The following TRAPPC9 variants were observed in gnomAD, a reference collection of about 807,000 sequenced individuals.
TRAPPC9 encodes the protein trafficking protein particle complex subunit 9.
In TRAPPC9, 83 loss-of-function variants were observed where a neutral mutation model predicts 124.0. The observed-to-expected ratio is 0.67, with a 90% CI of 0.56 to 0.80. TRAPPC9 has a LOEUF of 0.80. Among genes scored for constraint, TRAPPC9 ranks in the 30% least tolerant of loss-of-function variants. The pLI is 0.00. For missense variants in TRAPPC9, 1,302 were observed against 1,508.3 expected (o/e 0.86, Z 2.27); for synonymous variants, 638 against 617.5 (o/e 1.03, Z -0.49).
chr8:139,981,905 G>A lies in TRAPPC9; in HGVS notation c.2810+6821C>T, dbSNP rs1446421340. On this transcript the variant is annotated intron_variant, in intron 19 of 22. Coordinates refer to ENST00000438773, the MANE Select transcript of TRAPPC9 (RefSeq NM_001160372.4). Reference sequence around the variant, plus strand: ...CCGGCGGTCCATCTCCCCAGCAGCCGCAGCGTTTGGGTGCTTCGGTGCCAG... The same window carrying A: ...CCGGCGGTCCATCTCCCCAGCAGCCACAGCGTTTGGGTGCTTCGGTGCCAG... Among the ~76,000 whole-genome samples the A allele has an allele frequency of 5.3e-5, 8 of 152,214 alleles. No individual in the cohort carries two copies. In the South Asian group the frequency reaches 1.0e-3, roughly 20 times the overall value.
At chr8:140,318,061 GA>G (rs1463132060) in intron 9 of TRAPPC9, among the ~76,000 whole-genome samples, 2 of 152,138 alleles carry the variant, frequency 1.3e-5, no homozygotes, top group African/African-American at 4.8e-5. Context: ...ACTAAAGTAT[GA>G]AGGTCTGAAA....
At position 139,903,695 on chromosome 8, in the gene TRAPPC9, G is replaced by A. The variant is rs1471704694; in HGVS notation, c.2964+6452C>T. ...ACGGCACTCGGCATCGCGCAGCTGA[G>A]CTGGTAGCCATTCTGTTTGCTGTGT... On this transcript the variant is annotated intron_variant, in intron 20 of 22. Coordinates refer to ENST00000438773, the MANE Select transcript of TRAPPC9 (RefSeq NM_001160372.4). Among the ~76,000 whole-genome samples, 3 of 152,186 alleles carry A rather than the reference G, an allele frequency of 2.0e-5. No individual in the cohort carries two copies. In the East Asian group the frequency reaches 5.8e-4, roughly 29 times the overall value.
chr8:139,774,621 C>T lies in TRAPPC9; in HGVS notation c.3056-42419G>A, dbSNP rs116125070. 4.0e-3 allele frequency among the ~76,000 whole-genome samples: 608 copies of T among 152,314 alleles called. 6 individuals are homozygous for T. The highest frequency in any genetic ancestry group is 0.014 in the African/African-American group (576 of 41,566). ...TAGCACAGTGCGATGTTTCCTCGGC[C>T]TCCCCAGGACCAGAAGCAGCACATG... On this transcript the variant is annotated intron_variant, in intron 21 of 22. Transcript: ENST00000438773.
At chr8:139,847,487 C>T (rs575234630) in intron 21 of TRAPPC9, among the ~76,000 whole-genome samples, 2 of 152,322 alleles carry the variant, frequency 1.3e-5, no homozygotes, top group African/African-American at 2.4e-5. Context: ...AGTCCCGCCT[C>T]GGCCGGGTCT....
At chr8:140,027,682 TGCCCGAGACTGGGTAATTTATAAAG>T (rs1436097466) in intron 17 of TRAPPC9, among the ~76,000 whole-genome samples, 1 of 152,162 alleles carries the variant, frequency 6.6e-6, no homozygotes. Context: ...TATAAAGAAC[TGCCCGAGACTGGGTAATTTATAAAG>T]AAAAGAGGTT....
At chr8:139,868,561 T>C (rs2131019625) in intron 21 of TRAPPC9, among the ~76,000 whole-genome samples, 1 of 152,272 alleles carries the variant, frequency 6.6e-6, no homozygotes, top group Admixed American at 6.5e-5. Context: ...TTTTGGGAAA[T>C]ATAAATATAT....
intron 15 of TRAPPC9, among the ~76,000 whole-genome samples, chr8:140,261,637 A>T (rs1178267002): frequency 6.6e-6 from 1 of 152,216 alleles, no homozygotes; most frequent in Non-Finnish European, 1.5e-5. Context: ...TTCAGCTCTC[A>T]GTCTAGCGTA....
rs530598305 is a variant in TRAPPC9 at position 139,986,905 on chromosome 8, T to C, written c.2810+1821A>G. On this transcript the variant is annotated intron_variant, in intron 19 of 22. Coordinates refer to ENST00000438773, the MANE Select transcript of TRAPPC9 (RefSeq NM_001160372.4). ...CCAGAAGGAACCAATGTTCTGAGTT[T>C]TTCCATCGTAAATTGGTTCTGCTTG... 2.5e-3 allele frequency among the ~76,000 whole-genome samples: 376 copies of C among 152,360 alleles called. 1 individual carries two copies. The highest frequency in any genetic ancestry group is 8.6e-3 in the African/African-American group (358 of 41,576).
At chr8:140,162,151 C>T (rs917369696) in intron 17 of TRAPPC9, among the ~76,000 whole-genome samples, 2 of 152,078 alleles carry the variant, frequency 1.3e-5, no homozygotes, top group African/African-American at 4.8e-5. Flanking sequence ...AGAATCCAGG[C>T]GAAACTGAGA....
At chr8:139,785,358 G>A (rs920870720) in intron 21 of TRAPPC9, among the ~76,000 whole-genome samples, 3 of 152,178 alleles carry the variant, frequency 2.0e-5, no homozygotes, top group African/African-American at 7.2e-5. Context: ...GTGATTTTGA[G>A]TTAGGCCAAG....
chr8:140,122,623 AT>A (rs1399755899), intron 17 of TRAPPC9, among the ~76,000 whole-genome samples: 8 of 152,332 alleles, frequency 5.3e-5, no homozygotes, highest in Non-Finnish European at 7.3e-5. Context: ...TGAGAATTAA[AT>A]TTTTTTAAGT....
intron 21 of TRAPPC9, among the ~76,000 whole-genome samples, chr8:139,800,897 C>T (rs997078897): frequency 1.4e-4 from 21 of 150,918 alleles, no homozygotes; most frequent in African/African-American, 2.7e-4. Flanking sequence ...TCCCGCCCTC[C>T]GGTACCTTCC....
chr8:139,747,602 TG>T (rs1312333929), intron 21 of TRAPPC9, among the ~76,000 whole-genome samples: 14 of 14,220 alleles, frequency 9.8e-4, no homozygotes, highest in African/African-American at 9.2e-4. Context: ...TCAGAGCAGG[TG>T]GGGAGGTGTG....
At chr8:140,124,599 G>C (rs531411659) in intron 17 of TRAPPC9, among the ~76,000 whole-genome samples, 1 of 152,164 alleles carries the variant, frequency 6.6e-6, no homozygotes, top group Non-Finnish European at 1.5e-5. Flanking sequence ...CATGTGCCCC[G>C]GCCATTCACA....
chr8:140,370,447 A>G (rs2068249601), intron 8 of TRAPPC9, among the ~76,000 whole-genome samples: 1 of 152,130 alleles, frequency 6.6e-6, no homozygotes, highest in Admixed American at 6.6e-5. Flanking sequence ...GCCCCCAAAA[A>G]TGTTTTTTCT....
chr8:139,837,503 C>A (rs958777297), intron 21 of TRAPPC9, among the ~76,000 whole-genome samples: 5 of 152,226 alleles, frequency 3.3e-5, no homozygotes, highest in Non-Finnish European at 7.3e-5. Flanking sequence ...ACACGCTCCC[C>A]CACCAGCCCC....
chr8:139,756,764 T>A (rs1371745146), intron 21 of TRAPPC9, among the ~76,000 whole-genome samples: 2 of 127,772 alleles, frequency 1.6e-5, no homozygotes, highest in Non-Finnish European at 3.3e-5. Context: ...GGACAGCAGG[T>A]CGCAGGAGGA....
intron 21 of TRAPPC9, among the ~76,000 whole-genome samples, chr8:139,780,958 A>G (rs1489126011): frequency 6.6e-6 from 1 of 152,232 alleles, no homozygotes; most frequent in Non-Finnish European, 1.5e-5. Context: ...TTGTAAATTA[A>G]AATAATGATG....
At chr8:139,915,021 G>A (rs1832023494) in intron 19 of TRAPPC9, 1 of 152,240 alleles carries the variant, frequency 6.6e-6, no homozygotes, top group Admixed American at 6.5e-5. Context: ...AAAGGGGTGG[G>A]AAATCATTAT....
Sources: allele counts gnomAD v4.1 joint callset (sites outside exome capture counted in the v4.1 genomes callset), GRCh38; gene constraint gnomAD v4.1.1; transcripts MANE v1.5; gene names NCBI Gene and HGNC (gene_info 2026-07-23, HGNC 2026-07-21).